The following FBXO10 variants were observed in gnomAD, a reference collection of about 807,000 sequenced individuals.
FBXO10 encodes the protein F-box protein 10.
FBXO10 carries 39 observed loss-of-function variants against 80.7 expected under a neutral mutation model. The observed-to-expected ratio is 0.48, with a 90% CI of 0.37 to 0.63. The LOEUF (loss-of-function observed/expected upper bound fraction) is 0.63, where lower values mean the gene tolerates loss of function less well. Among genes scored for constraint, FBXO10 ranks in the 30% least tolerant of loss-of-function variants. The pLI, the probability that FBXO10 is intolerant of heterozygous loss-of-function variation, is 0.00. For synonymous variants in FBXO10, 449 were observed against 489.6 expected, an observed-to-expected ratio of 0.92 and a Z score of 1.09; for missense variants, 1,025 against 1,269.0, an observed-to-expected ratio of 0.81 and a Z score of 2.92.
rs140730741 is a variant in FBXO10, at chr9:37,525,142, G to A, written c.1737C>T (p.Ala579=). 2.9e-4 allele frequency: 451 copies of A among 1,564,688 alleles called. No individual in the cohort carries two copies. The highest frequency in any genetic ancestry group is 3.6e-4 in the Non-Finnish European group (417 of 1,154,512). ...SGNHIFKGRA[A]GIAVNENGKG... ...TGCCGTTCTCATTCACTGCTATGCC[G>A]GCAGCACGGCCCTTGAAGATGTGGT... The change falls in exon 6 of 11, where the codon GCC becomes GCT. Residue 579 remains alanine (A), a synonymous_variant. Transcript: ENST00000432825.
rs758100473 is a variant in FBXO10, at chr9:37,537,445, C to T, written c.1084G>A (p.Gly362Ser). The change falls in exon 3 of 11, where the codon GGT becomes AGT. Residue 362 changes from glycine to serine, a missense_variant. Transcript: ENST00000432825. ...AGCTGGTCCTCATCTTCATCCTCAC[C>T]GCTGGGACTCAGGCCTCCATCGCTG... ...DSSDGGLSPS[G>S]EDEDEDQLMY... 7.5e-5 allele frequency: 120 copies of T among 1,602,710 alleles called. No homozygotes were observed. Among genetic ancestry groups the T allele is most frequent in the Non-Finnish European group, 1.0e-4 (117 of 1,174,614 alleles).
At position 37,512,679 on chromosome 9, in the gene FBXO10, G is replaced by GT. The variant is rs1821090781; in HGVS notation, c.2738dup (p.His913GlnfsTer3). On this transcript the variant is annotated frameshift_variant, in exon 11 of 11. Transcript: ENST00000432825. LOFTEE classifies it high-confidence loss of function. Reference sequence around the variant, plus strand: ...AGGGACGTCTGAGAGAATTTTCAAGGTGGGGCCGTGCTGGTGGGTTCACCA... The same window carrying GT: ...AGGGACGTCTGAGAGAATTTTCAAGGTTGGGGCCGTGCTGGTGGGTTCACCA... 6.2e-7 allele frequency: 1 copy of GT among 1,613,896 alleles called. No homozygotes were observed. The highest frequency in any genetic ancestry group is 8.5e-7 in the Non-Finnish European group (1 of 1,179,914).
intron 1 of FBXO10, chr9:37,575,447 C>T (rs889213335): frequency 2.0e-5 from 3 of 152,244 alleles, no homozygotes; most frequent in Non-Finnish European, 4.4e-5. Flanking sequence ...GCATTATCTA[C>T]TGAGGCTTTT....
At chr9:37,571,728 T>TATA (rs1822763236) in intron 1 of FBXO10, among the ~76,000 whole-genome samples, 1 of 140,226 alleles carries the variant, frequency 7.1e-6, no homozygotes, top group African/African-American at 2.7e-5. Flanking sequence ...TATATATATA[T>TATA]ATATATATAT....
chr9:37,569,163 T>C (rs1240784256), intron 1 of FBXO10, among the ~76,000 whole-genome samples: 1 of 151,866 alleles, frequency 6.6e-6, no homozygotes, highest in Non-Finnish European at 1.5e-5. Context: ...CATAAGAGAC[T>C]TACCTAAAAC....
Position 37,512,520 on chromosome 9 carries a change from G to A in FBXO10, c.*27C>T, listed in dbSNP as rs747715614. ...TTAGCTCCTCTGAGCACCCATCCAGGCTTGGCCCTGAAGCAGGTCTGTGTC... is the reference window on the plus strand; with the variant it reads ...TTAGCTCCTCTGAGCACCCATCCAGACTTGGCCCTGAAGCAGGTCTGTGTC... On this transcript the variant is annotated 3_prime_UTR_variant, in exon 11 of 11. Coordinates refer to ENST00000432825, the MANE Select transcript of FBXO10 (RefSeq NM_012166.3). 1.2e-6 allele frequency: 2 copies of A among 1,603,198 alleles called. No homozygotes were observed. Among genetic ancestry groups the A allele is most frequent in the East Asian group, 4.5e-5 (2 of 44,684 alleles).
At chr9:37,564,336 T>C (rs1418605333) in intron 1 of FBXO10, among the ~76,000 whole-genome samples, 1 of 151,810 alleles carries the variant, frequency 6.6e-6, no homozygotes, top group Non-Finnish European at 1.5e-5. Flanking sequence ...GCTTGGGCAG[T>C]ATAGAAGGGA....
intron 2 of FBXO10, 36 bp downstream of exon 2, chr9:37,541,148 G>A (rs371510069): frequency 6.1e-5 from 94 of 1,532,516 alleles, no homozygotes; most frequent in Non-Finnish European, 8.1e-5. Flanking sequence ...TCTGGGGTCA[G>A]AACTAGAAAG....
intron 1 of FBXO10, among the ~76,000 whole-genome samples, chr9:37,561,846 T>C (rs973797875): frequency 1.3e-5 from 2 of 152,118 alleles, no homozygotes; most frequent in African/African-American, 2.4e-5. Flanking sequence ...TCAGACAGGG[T>C]TGTCAAGGAA....
chr9:37,555,746 T>C (rs1299842105), intron 1 of FBXO10, among the ~76,000 whole-genome samples: 2 of 152,258 alleles, frequency 1.3e-5, no homozygotes, highest in South Asian at 2.1e-4. Flanking sequence ...TATATGTCCT[T>C]TGCCAGATAC....
chr9:37,538,935 G>A (rs748269812), intron 2 of FBXO10, among the ~76,000 whole-genome samples: 2 of 152,162 alleles, frequency 1.3e-5, no homozygotes, highest in African/African-American at 4.8e-5. Flanking sequence ...GAGTGGGGAT[G>A]GGGCAGTGCC....
chr9:37,532,030 C>G lies in FBXO10; in HGVS notation c.1448G>C (p.Arg483Pro). The G allele has an allele frequency of 1.2e-6, 2 of 1,613,676 alleles. No individual in the cohort carries two copies. The highest frequency in any genetic ancestry group is 1.7e-6 in the Non-Finnish European group (2 of 1,179,700). ...AAGAAAGATGCCTGACGCTCGGCAG[C>G]GGTAAATGTCGTTCCTGAGCATGAT... Reference protein sequence around the residue: ...KIIMLRNDIYRCRASGIFLRL... With the variant: ...KIIMLRNDIYPCRASGIFLRL... The change falls in exon 4 of 11, where the codon CGC becomes CCC. Residue 483 changes from arginine (R) to proline (P), a missense_variant. Around this residue, in one of 3 missense-constraint regions of FBXO10, gnomAD observed 478 missense variants for 667.8 expected, o/e 0.72. Transcript: ENST00000432825.
chr9:37,538,933 AT>A, intron 2 of FBXO10, among the ~76,000 whole-genome samples: 1 of 152,248 alleles, frequency 6.6e-6, no homozygotes, highest in Middle Eastern at 3.4e-3. Flanking sequence ...TGGAGTGGGG[AT>A]GGGGCAGTGC....
At chr9:37,520,313 CTTTTTT>C (rs11309075) in intron 8 of FBXO10, among the ~76,000 whole-genome samples, 3 of 110,936 alleles carry the variant, frequency 2.7e-5, no homozygotes, top group African/African-American at 1.1e-4. Flanking sequence ...CTTCTACCAT[CTTTTTT>C]TTTTTTTTTT....
At chr9:37,560,749 T>C (rs1822458225) in intron 1 of FBXO10, among the ~76,000 whole-genome samples, 1 of 152,150 alleles carries the variant, frequency 6.6e-6, no homozygotes, top group African/African-American at 2.4e-5. Context: ...TGGAGTGTGA[T>C]GCCTGTAAAG....
At chr9:37,567,129 C>CT (rs889484709) in intron 1 of FBXO10, among the ~76,000 whole-genome samples, 42 of 145,476 alleles carry the variant, frequency 2.9e-4, no homozygotes, top group Admixed American at 4.8e-4. Flanking sequence ...TTTTACATGT[C>CT]TTTTTTTTTT....
chr9:37,525,192 A>G lies in FBXO10; in HGVS notation c.1707-20T>C. ...TTCCCGCTAAAGTGGAAGGAAAACA[A>G]AACAAAGAGGTGAGCCCAGGGCATC... is the stretch of plus-strand genomic sequence containing the variant. On this transcript the variant is annotated intron_variant, in intron 5 of 10. Coordinates refer to ENST00000432825, the MANE Select transcript of FBXO10 (RefSeq NM_012166.3). 6.4e-7 allele frequency: 1 copy of G among 1,555,604 alleles called. No individual in the cohort carries two copies. Among genetic ancestry groups the G allele is most frequent in the Non-Finnish European group, 8.7e-7 (1 of 1,149,152 alleles).
At chr9:37,526,820 ATTTTATTT>A (rs745758112) in intron 5 of FBXO10, among the ~76,000 whole-genome samples, 2 of 127,124 alleles carry the variant, frequency 1.6e-5, no homozygotes, top group Non-Finnish European at 3.2e-5. Context: ...TTTTTAAAAT[ATTTTATTT>A]ATTTATTTAT....
chr9:37,575,071 G>A (rs947911620), intron 1 of FBXO10, among the ~76,000 whole-genome samples: 1 of 152,094 alleles, frequency 6.6e-6, no homozygotes, highest in African/African-American at 2.4e-5. Context: ...TTGCAAAGGA[G>A]ACAGCTGGAT....
Sources: gnomAD v4.1 joint callset for allele counts (sites outside exome capture counted in the v4.1 genomes callset) on GRCh38, gnomAD v4.1.1 for gene constraint, gnomAD v4.1.1 regional missense constraint, MANE v1.5 for transcripts, NCBI Gene and HGNC (gene_info 2026-07-23, HGNC 2026-07-21) for gene names.